Variants in KIF1B observed in about 807,000 individuals in gnomAD.
The protein encoded by KIF1B is kinesin family member 1B, also known as kinesin-like protein KIF1B.
KIF1B carries 76 observed loss-of-function variants against 241.9 expected under a neutral mutation model. The ratio of observed to expected loss-of-function variants is 0.31; its 90% CI spans 0.26 to 0.38. The LOEUF is 0.38. Ranked by LOEUF, KIF1B falls within the 10% of genes least tolerant of loss-of-function variation. The pLI, the probability that KIF1B is intolerant of heterozygous loss-of-function variation, is 1.00. For synonymous variants in KIF1B, 750 were observed against 796.7 expected (o/e 0.94, Z 0.99); for missense variants, 1,622 against 2,271.4 (o/e 0.71, Z 5.81).
intron 44 of KIF1B, among the ~76,000 whole-genome samples, chr1:10,369,308 G>A (rs1406392100): frequency 6.6e-6 from 1 of 152,212 alleles, no homozygotes. Context: ...CTAGTACATG[G>A]AAGGTGCACC....
At chr1:10,251,035 G>A (rs990606792) in intron 2 of KIF1B, among the ~76,000 whole-genome samples, 1 of 152,006 alleles carries the variant, frequency 6.6e-6, no homozygotes, top group African/African-American at 2.4e-5. Context: ...GCATGATGGC[G>A]GGTGCCTGTA....
intron 22 of KIF1B, 114 bp from the exon 23 acceptor site, chr1:10,319,929 C>T: frequency 1.4e-6 from 1 of 721,746 alleles, no homozygotes; most frequent in South Asian, 1.6e-5. Flanking sequence ...CTGCCTTTGT[C>T]TCTTTTCCTT....
intron 43 of KIF1B, among the ~76,000 whole-genome samples, chr1:10,367,343 G>A (rs976145971): frequency 1.3e-5 from 2 of 151,458 alleles, no homozygotes; most frequent in African/African-American, 4.8e-5. Flanking sequence ...TGATCCACCC[G>A]CCTCAGCCTC....
chr1:10,255,763 G>A lies in KIF1B; in HGVS notation c.107-484G>A, dbSNP rs181984463. 6.6e-5 allele frequency among the ~76,000 whole-genome samples: 10 copies of A among 152,220 alleles called. No homozygotes were observed. In the East Asian group the frequency reaches 1.9e-3, roughly 29 times the overall value. On this transcript the variant is annotated intron_variant, in intron 2 of 48. Coordinates refer to ENST00000676179, the MANE Select transcript of KIF1B (RefSeq NM_001365951.3). ...GTTGGTCTGGTTTTTCATGTTCCAT[G>A]TATAAATTACCTCTTAAAACTATGA...
intron 23 of KIF1B, among the ~76,000 whole-genome samples, 185 bp from the exon 24 acceptor site, chr1:10,321,524 A>G (rs916155504): frequency 1.6e-4 from 24 of 152,232 alleles, no homozygotes; most frequent in Admixed American, 1.6e-3. Context: ...GATTTTCTGA[A>G]ATGTATATAT....
In KIF1B at chr1:10,279,154, A is replaced by G. The variant is rs1649275060; in HGVS notation, c.1222+16A>G. On this transcript the variant is annotated intron_variant, in intron 14 of 48. Coordinates refer to ENST00000676179, the MANE Select transcript of KIF1B (RefSeq NM_001365951.3). Reference sequence around the variant, plus strand: ...GGAAGCAAATGTGTGTATTTCACATATTGGTTATTTCCAGTACTCTGACTT... The same window carrying G: ...GGAAGCAAATGTGTGTATTTCACATGTTGGTTATTTCCAGTACTCTGACTT... The G allele has an allele frequency of 1.6e-6, 2 of 1,278,516 alleles. No homozygotes were observed. Among genetic ancestry groups the G allele is most frequent in the South Asian group, 1.3e-5 (1 of 76,764 alleles). 79.2% of individuals were successfully genotyped at this position (1,278,516 alleles called of 1,614,324 possible).
chr1:10,272,303 G>C lies in KIF1B; in HGVS notation c.861G>C (p.Glu287Asp), dbSNP rs1303168899. The C allele has an allele frequency of 1.1e-5, 18 of 1,599,468 alleles. No individual in the cohort carries two copies. The highest frequency in any genetic ancestry group is 1.5e-5 in the Non-Finnish European group (18 of 1,166,784). ...TLGKVISALAEVDNCTSKSKK... is the reference protein window; with the variant it reads ...TLGKVISALADVDNCTSKSKK... ...GCAAAGTCATTTCAGCCTTGGCCGAGGTGGTAAGTTTTATACTTCATTATA... is the reference window on the plus strand; with the variant it reads ...GCAAAGTCATTTCAGCCTTGGCCGACGTGGTAAGTTTTATACTTCATTATA... The change falls in exon 9 of 49, where the codon GAG (glutamate) becomes GAC (aspartate). Residue 287 changes from glutamate to aspartate, a missense_variant. Glu to Asp is a conservative substitution (Grantham distance 45). Transcript: ENST00000676179.
intron 1 of KIF1B, among the ~76,000 whole-genome samples, chr1:10,221,013 T>C (rs1400446881): frequency 6.6e-6 from 1 of 151,882 alleles, no homozygotes; most frequent in East Asian, 1.9e-4. Context: ...TTTAGCCATA[T>C]TGGAGATTAA....
At chr1:10,280,147 A>G (rs930187366) in intron 14 of KIF1B, among the ~76,000 whole-genome samples, 1 of 152,196 alleles carries the variant, frequency 6.6e-6, no homozygotes, top group African/African-American at 2.4e-5. Flanking sequence ...TTTTAAGGTA[A>G]TTCATCAAGA....
intron 38 of KIF1B, among the ~76,000 whole-genome samples, chr1:10,354,200 T>TAAC (rs1052211005): frequency 2.0e-5 from 3 of 152,182 alleles, no homozygotes; most frequent in South Asian, 2.1e-4. Flanking sequence ...AAGTCAAGAA[T>TAAC]AACAACAACA....
intron 45 of KIF1B, among the ~76,000 whole-genome samples, chr1:10,373,702 T>C (rs1316394215): frequency 2.0e-5 from 3 of 152,200 alleles, no homozygotes; most frequent in South Asian, 4.1e-4. Flanking sequence ...CAGGTCCAGG[T>C]CAGTGGTGCA....
intron 35 of KIF1B, 134 bp from the exon 36 acceptor site, chr1:10,347,627 A>G (rs1388920622): frequency 4.1e-6 from 3 of 737,088 alleles, no homozygotes; most frequent in Non-Finnish European, 7.4e-6. Flanking sequence ...GTAAATGCAA[A>G]TGACTGTATG....
chr1:10,311,198 C>T (rs1281613659), intron 22 of KIF1B, among the ~76,000 whole-genome samples: 1 of 150,344 alleles, frequency 6.7e-6, no homozygotes, highest in Non-Finnish European at 1.5e-5. Flanking sequence ...TTACGTCCTA[C>T]TTGCCTACCT....
chr1:10,292,557 T>C (rs1650050689), intron 17 of KIF1B, among the ~76,000 whole-genome samples: 1 of 152,260 alleles, frequency 6.6e-6, no homozygotes, highest in African/African-American at 2.4e-5. Context: ...TGCTTCCATT[T>C]GCTTCTGCAA....
At chr1:10,320,719 T>TTTATTTAC (rs1265509316) in intron 23 of KIF1B, among the ~76,000 whole-genome samples, 2 of 152,018 alleles carry the variant, frequency 1.3e-5, no homozygotes, top group South Asian at 2.1e-4. Context: ...ACATTTCTTA[T>TTTATTTAC]TTATTTATTT....
intron 4 of KIF1B, among the ~76,000 whole-genome samples, chr1:10,259,027 A>G (rs956926668): frequency 6.6e-6 from 1 of 152,152 alleles, no homozygotes; most frequent in Non-Finnish European, 1.5e-5. Context: ...AATTCCATGC[A>G]TAGATTACCT....
At position 10,285,758 on chromosome 1, in the gene KIF1B, C is replaced by G. The variant is rs370325265; in HGVS notation, c.1434+3225C>G. Among the ~76,000 whole-genome samples, 5 of 152,182 alleles carry G rather than the reference C, an allele frequency of 3.3e-5. No individual in the cohort carries two copies. The East Asian group carries it at 9.6e-4, about 29-fold the overall frequency. Reference sequence around the variant, plus strand: ...TTTTAATGCTGCACGCAGATAACATCTTTCATCCGTAGCGCCAGGGCAATG... The same window carrying G: ...TTTTAATGCTGCACGCAGATAACATGTTTCATCCGTAGCGCCAGGGCAATG... On this transcript the variant is annotated intron_variant, in intron 15 of 48. Coordinates refer to ENST00000676179, the MANE Select transcript of KIF1B (RefSeq NM_001365951.3).
chr1:10,320,727 TTTAC>T (rs1487896799), intron 23 of KIF1B, among the ~76,000 whole-genome samples: 2 of 152,014 alleles, frequency 1.3e-5, no homozygotes, highest in Non-Finnish European at 2.9e-5. Context: ...TATTTATTTA[TTTAC>T]TTATTTATTT....
chr1:10,300,659 G>T (rs1388307786), intron 22 of KIF1B, among the ~76,000 whole-genome samples: 1 of 152,118 alleles, frequency 6.6e-6, no homozygotes, highest in Non-Finnish European at 1.5e-5. Context: ...ATAGTTGTTG[G>T]TTATGTGGGA....
Sources: gnomAD v4.1 joint callset for allele counts (sites outside exome capture counted in the v4.1 genomes callset) on GRCh38, gnomAD v4.1.1 for gene constraint, MANE v1.5 for transcripts, NCBI Gene and HGNC (gene_info 2026-07-23, HGNC 2026-07-21) for gene names.